TMEM132B: variants seen among roughly 807,000 people sequenced by gnomAD.
The protein encoded by TMEM132B is transmembrane protein 132B.
In TMEM132B, 18 loss-of-function variants were observed where a neutral mutation model predicts 90.8. The ratio of observed to expected loss-of-function variants is 0.20; its 90% CI spans 0.14 to 0.29. The LOEUF (loss-of-function observed/expected upper bound fraction) is 0.29. Ranked by LOEUF, TMEM132B falls within the 10% of genes least tolerant of loss-of-function variation. The probability of loss-of-function intolerance (pLI) is 1.00; values close to 1 mark genes in which losing one functional copy is unlikely to be tolerated. For synonymous variants in TMEM132B, 504 were observed against 523.3 expected (o/e 0.96, Z 0.50); for missense variants, 1,096 against 1,326.8 (o/e 0.83, Z 2.70).
chr12:125,622,470 A>C (rs903554547), intron 5 of TMEM132B: 2 of 985,302 alleles, frequency 2.0e-6, no homozygotes, highest in African/African-American at 3.5e-5. Context: ...GTTTCCAACC[A>C]ACCTTTCCTG....
intron 4 of TMEM132B, among the ~76,000 whole-genome samples, chr12:125,556,880 A>G (rs10744216): frequency 0.94 from 143,449 of 152,134 alleles, 67,653 homozygotes; most frequent in Middle Eastern, 0.97. Context: ...TCAGCCTCCC[A>G]AGTAGCTGGG....
chr12:125,478,871 G>A (rs1566048447), intron 3 of TMEM132B, among the ~76,000 whole-genome samples: 2 of 152,274 alleles, frequency 1.3e-5, no homozygotes, highest in Admixed American at 6.5e-5. Context: ...GAAAGGTCGG[G>A]TTACCCATAA....
rs1873378197 is a variant in TMEM132B, at chr12:125,213,958, G to A, written c.67+27092G>A. Among the ~76,000 whole-genome samples, 1 of 152,182 alleles carries A rather than the reference G, an allele frequency of 6.6e-6. No individual in the cohort carries two copies. The highest frequency in any genetic ancestry group is 2.4e-5 in the African/African-American group (1 of 41,444). On this transcript the variant is annotated intron_variant, in intron 1 of 8. Coordinates refer to ENST00000682704, the MANE Select transcript of TMEM132B (RefSeq NM_001366854.1). This position sits in a 1 kb window ranked among gnomAD's most constrained non-coding sequence, Gnocchi z 4.2. The stretch of plus-strand genomic sequence containing the variant: ...TCGAATATTTATTGATGCTTTTTGT[G>A]TGCCAGGGCACATAAGTTTGGGGGA...
intron 4 of TMEM132B, among the ~76,000 whole-genome samples, chr12:125,566,698 A>G (rs773094018): frequency 6.6e-6 from 1 of 152,202 alleles, no homozygotes; most frequent in Non-Finnish European, 1.5e-5. Flanking sequence ...TTGGAATGGC[A>G]GGTCCCACTG....
intron 5 of TMEM132B, among the ~76,000 whole-genome samples, chr12:125,606,274 A>T (rs529508621): frequency 6.6e-6 from 1 of 151,872 alleles, no homozygotes; most frequent in South Asian, 2.1e-4. Context: ...AGATGACAGG[A>T]ATTCAACTAA....
chr12:125,428,027 T>A (rs1361536591), intron 3 of TMEM132B, among the ~76,000 whole-genome samples: 1 of 151,758 alleles, frequency 6.6e-6, no homozygotes, highest in Non-Finnish European at 1.5e-5. Flanking sequence ...GAAGAAGGTC[T>A]CTCTGTGTTA....
intron 6 of TMEM132B, among the ~76,000 whole-genome samples, chr12:125,644,767 C>A (rs956967352): frequency 2.0e-5 from 3 of 152,138 alleles, no homozygotes; most frequent in Non-Finnish European, 4.4e-5. Context: ...CAAGACTCTT[C>A]CTTTTTTTGC....
At chr12:125,512,158 C>G (rs1357663398) in intron 3 of TMEM132B, among the ~76,000 whole-genome samples, 1 of 152,100 alleles carries the variant, frequency 6.6e-6, no homozygotes, top group South Asian at 2.1e-4. Context: ...CACAAATGTC[C>G]GCAGGGACTT....
chr12:125,633,215 G>A (rs1486594110), intron 5 of TMEM132B, among the ~76,000 whole-genome samples: 3 of 152,068 alleles, frequency 2.0e-5, no homozygotes, highest in African/African-American at 7.2e-5. Context: ...GTAAGTGACT[G>A]GTGCGTTCTT....
intron 3 of TMEM132B, among the ~76,000 whole-genome samples, chr12:125,455,928 T>G (rs1881281734): frequency 6.6e-6 from 1 of 152,198 alleles, no homozygotes; most frequent in African/African-American, 2.4e-5. Context: ...CTGGTGCACT[T>G]TTTCTGTAAA....
rs115334619 is a variant in TMEM132B at position 125,460,182 on chromosome 12, C to T, written c.1106+44505C>T. ...AACACATATACCCACTATGTACCCA[C>T]AAAAGTTAACATAAAAAAATAAAGC... On this transcript the variant is annotated intron_variant, in intron 3 of 8. Coordinates refer to ENST00000682704, the MANE Select transcript of TMEM132B (RefSeq NM_001366854.1). The surrounding 1 kb of genome is among the most constrained non-coding windows in gnomAD (Gnocchi z 4.4). Among the ~76,000 whole-genome samples the T allele has an allele frequency of 2.0e-5, 3 of 152,148 alleles. No homozygotes were observed. The highest frequency in any genetic ancestry group is 2.0e-4 in the Admixed American group (3 of 15,274).
intron 1 of TMEM132B, among the ~76,000 whole-genome samples, chr12:125,282,273 G>GCTGC (rs1338543284): frequency 1.3e-5 from 2 of 152,172 alleles, no homozygotes; most frequent in East Asian, 1.9e-4. Context: ...GATGCCGTGT[G>GCTGC]CTGCCTGCCT....
intron 1 of TMEM132B, among the ~76,000 whole-genome samples, chr12:125,228,743 T>C (rs1281082689): frequency 6.6e-6 from 1 of 152,062 alleles, no homozygotes; most frequent in Non-Finnish European, 1.5e-5. Context: ...TAGAATAACA[T>C]TTTGTTTAGG....
intron 5 of TMEM132B, among the ~76,000 whole-genome samples, chr12:125,636,574 C>G (rs1239641542): frequency 6.6e-6 from 1 of 152,224 alleles, no homozygotes; most frequent in East Asian, 1.9e-4. Flanking sequence ...TACCCCTCTT[C>G]AAGCTGTAGT....
chr12:125,300,603 T>C (rs1002074100), intron 1 of TMEM132B, among the ~76,000 whole-genome samples: 1 of 152,224 alleles, frequency 6.6e-6, no homozygotes, highest in African/African-American at 2.4e-5. Context: ...ATAGAGTGCC[T>C]ACTGTATACC....
intron 3 of TMEM132B, among the ~76,000 whole-genome samples, chr12:125,495,068 T>C (rs1430332654): frequency 4.9e-5 from 3 of 60,794 alleles, no homozygotes; most frequent in African/African-American, 1.4e-4. Flanking sequence ...AATGGCCGCG[T>C]CCCTCCTCCC....
intron 1 of TMEM132B, among the ~76,000 whole-genome samples, chr12:125,326,095 A>C (rs974557354): frequency 6.6e-6 from 1 of 152,308 alleles, no homozygotes; most frequent in East Asian, 1.9e-4. Flanking sequence ...GGGACACCCC[A>C]GGGAGCCTCT....
At chr12:125,563,573 A>AC (rs1884590946) in intron 4 of TMEM132B, among the ~76,000 whole-genome samples, 1 of 148,458 alleles carries the variant, frequency 6.7e-6, no homozygotes, top group African/African-American at 2.5e-5. Flanking sequence ...TCAAAAACAA[A>AC]CAAACAAACA....
chr12:125,618,810 T>C (rs1370670998), intron 5 of TMEM132B, among the ~76,000 whole-genome samples: 2 of 152,190 alleles, frequency 1.3e-5, no homozygotes, highest in African/African-American at 2.4e-5. Flanking sequence ...ATAGGTGATA[T>C]GTAAATATAC....
Sources: allele counts gnomAD v4.1 joint callset (sites outside exome capture counted in the v4.1 genomes callset), GRCh38; gene constraint gnomAD v4.1.1; non-coding constraint Gnocchi (gnomAD v3.1); transcripts MANE v1.5; gene names NCBI Gene and HGNC (gene_info 2026-07-23, HGNC 2026-07-21).